Variants in DZIP1 observed in about 807,000 individuals in gnomAD.
The protein encoded by DZIP1 is DAZ interacting zinc finger protein 1.
Under a neutral mutation model 107.6 loss-of-function variants are expected in DZIP1, and 97 were observed. That is an observed-to-expected ratio of 0.90 (90% CI 0.77 to 1.07). DZIP1 has a LOEUF of 1.07. Ranked by LOEUF, DZIP1 falls within the 50% of genes least tolerant of loss-of-function variation. DZIP1 has a pLI of 0.00. For synonymous variants in DZIP1, 390 were observed against 386.4 expected (o/e 1.01, Z -0.11); for missense variants, 1,035 against 1,063.6 (o/e 0.97, Z 0.37).
intron 15 of DZIP1, among the ~76,000 whole-genome samples, chr13:95,596,889 G>A (rs950663943): frequency 6.6e-6 from 1 of 152,202 alleles, no homozygotes; most frequent in Admixed American, 6.5e-5. Flanking sequence ...TTTATTGATG[G>A]CAATTAATCT....
rs1454265418 is a variant in DZIP1, at chr13:95,619,879, C to A, written c.1173+6G>T. ...CCACTTTAGGCCACTGGTTTCTTAA[C>A]CTTACCCGACCCTTCTCTTTCTTGT... On this transcript the variant is annotated splice_donor_region_variant and intron_variant, in intron 10 of 22. Coordinates refer to ENST00000376829, the MANE Select transcript of DZIP1 (RefSeq NM_198968.4). The A allele has an allele frequency of 6.2e-7, 1 of 1,613,350 alleles. No homozygotes were observed. The highest frequency in any genetic ancestry group is 1.3e-5 in the African/African-American group (1 of 74,898).
intron 15 of DZIP1, among the ~76,000 whole-genome samples, chr13:95,597,006 C>G (rs2044474742): frequency 6.6e-6 from 1 of 152,222 alleles, no homozygotes; most frequent in South Asian, 2.1e-4. Context: ...CAGCACTCTC[C>G]TGTCTACCAT....
At chr13:95,633,605 G>A (rs114590486) in intron 5 of DZIP1, among the ~76,000 whole-genome samples, 2,004 of 150,374 alleles carry the variant, frequency 0.013, 45 homozygotes, top group African/African-American at 0.046. Context: ...CTTGAACCCA[G>A]GAAGCAGATG....
chr13:95,586,177 A>C (rs1566358724), intron 20 of DZIP1, 41 bp from the exon 21 acceptor site: 6 of 1,523,780 alleles, frequency 3.9e-6, no homozygotes, highest in Non-Finnish European at 4.4e-6. Flanking sequence ...AGTATTTAAA[A>C]ATTTAATCTA....
At chr13:95,614,272 C>T (rs1231487346) in intron 10 of DZIP1, among the ~76,000 whole-genome samples, 1 of 152,110 alleles carries the variant, frequency 6.6e-6, no homozygotes, top group Non-Finnish European at 1.5e-5. Context: ...AGAATCTTTC[C>T]TTTCCTAGTG....
intron 13 of DZIP1, among the ~76,000 whole-genome samples, chr13:95,606,620 C>T (rs555895428): frequency 2.1e-4 from 32 of 152,322 alleles, no homozygotes; most frequent in Non-Finnish European, 4.6e-4. Context: ...AAACTGACCA[C>T]ATTTTATTTA....
At chr13:95,590,854 T>C (rs2044292170) in intron 16 of DZIP1, among the ~76,000 whole-genome samples, 1 of 152,038 alleles carries the variant, frequency 6.6e-6, no homozygotes, top group Non-Finnish European at 1.5e-5. Flanking sequence ...TAGGGACACC[T>C]GTGAGAAAGG....
At chr13:95,598,843 C>T (rs1331663136) in intron 15 of DZIP1, among the ~76,000 whole-genome samples, 1 of 152,060 alleles carries the variant, frequency 6.6e-6, no homozygotes, top group East Asian at 1.9e-4. Context: ...ATAATTATCT[C>T]CCAACACCTG....
At chr13:95,597,141 G>A (rs2044478252) in intron 15 of DZIP1, among the ~76,000 whole-genome samples, 1 of 152,178 alleles carries the variant, frequency 6.6e-6, no homozygotes. Context: ...ACATTGACTG[G>A]AAGAACTCTA....
intron 21 of DZIP1, among the ~76,000 whole-genome samples, chr13:95,585,762 C>T (rs931521659): frequency 1.3e-5 from 2 of 152,158 alleles, no homozygotes. Flanking sequence ...TCAGATAATA[C>T]ATGTGACAGG....
intron 16 of DZIP1, among the ~76,000 whole-genome samples, chr13:95,592,521 T>C (rs1482315360): frequency 6.6e-6 from 1 of 152,172 alleles, no homozygotes; most frequent in Non-Finnish European, 1.5e-5. Flanking sequence ...AACTGAACTC[T>C]CAAACACCGT....
At position 95,619,870 on chromosome 13, in the gene DZIP1, GT is replaced by G; in HGVS notation, c.1173+14del. On this transcript the variant is annotated intron_variant, in intron 10 of 22. Coordinates refer to ENST00000376829, the MANE Select transcript of DZIP1 (RefSeq NM_198968.4). ...AAAAATGGCCCACTTTAGGCCACTG[GT>G]TTCTTAACCTTACCCGACCCTTCTC... 1.2e-6 allele frequency: 2 copies of G among 1,612,886 alleles called. No individual in the cohort carries two copies. Among genetic ancestry groups the G allele is most frequent in the South Asian group, 2.2e-5 (2 of 90,856 alleles).
chr13:95,627,259 A>G (rs974460051), intron 7 of DZIP1, among the ~76,000 whole-genome samples: 2 of 152,232 alleles, frequency 1.3e-5, no homozygotes, highest in Admixed American at 6.5e-5. Flanking sequence ...TTCAATGAAA[A>G]AAGAATAGTC....
chr13:95,637,068 A>C (rs137951987), intron 5 of DZIP1: 1 of 152,242 alleles, frequency 6.6e-6, no homozygotes, highest in Non-Finnish European at 1.5e-5. Flanking sequence ...GTTCAGAGGG[A>C]AAGTGTGACT....
At chr13:95,610,269 G>A (rs567780231) in intron 12 of DZIP1, among the ~76,000 whole-genome samples, 14 of 151,724 alleles carry the variant, frequency 9.2e-5, no homozygotes, top group South Asian at 2.1e-4. Context: ...TGAGAATAAC[G>A]CAGCAAGCCT....
chr13:95,615,041 G>A (rs1314157053), intron 10 of DZIP1, among the ~76,000 whole-genome samples: 1 of 152,102 alleles, frequency 6.6e-6, no homozygotes, highest in Non-Finnish European at 1.5e-5. Context: ...AGAAGGGAGA[G>A]GTAAGCAGCT....
intron 22 of DZIP1, among the ~76,000 whole-genome samples, chr13:95,583,299 G>A (rs562781047): frequency 6.6e-6 from 1 of 151,488 alleles, no homozygotes; most frequent in Non-Finnish European, 1.5e-5. Context: ...ATAAGTAGGA[G>A]TACAAAAACA....
At position 95,586,168 on chromosome 13, in the gene DZIP1, G is replaced by A. The variant is rs201514613; in HGVS notation, c.2219-32C>T. ...GATCAATAAAAATTAGGCAAGTTAA[G>A]TATTTAAAAATTTAATCTATCTTTA... On this transcript the variant is annotated intron_variant, in intron 20 of 22. Transcript: ENST00000376829. 8.3e-5 allele frequency: 129 copies of A among 1,550,188 alleles called. No homozygotes were observed. In the African/African-American group the frequency reaches 1.5e-3, roughly 18 times the overall value.
intron 18 of DZIP1, 35 bp from the exon 19 acceptor site, chr13:95,589,242 ATAAGT>A (rs772068233): frequency 1.4e-6 from 2 of 1,449,228 alleles, no homozygotes; most frequent in South Asian, 1.2e-5. Flanking sequence ...TTTAAATTGC[ATAAGT>A]TAATAATATA....
Sources: gnomAD v4.1 joint callset for allele counts (sites outside exome capture counted in the v4.1 genomes callset) on GRCh38, gnomAD v4.1.1 for gene constraint, MANE v1.5 for transcripts, NCBI Gene and HGNC (gene_info 2026-07-23, HGNC 2026-07-21) for gene names.